Variants in ARHGEF28 observed in about 807,000 individuals in gnomAD.
ARHGEF28 encodes 190 kDa guanine nucleotide exchange factor.
In ARHGEF28, 152 loss-of-function variants were observed where a neutral mutation model predicts 206.6. That is an observed-to-expected ratio of 0.74 (90% CI 0.64 to 0.84). The LOEUF (loss-of-function observed/expected upper bound fraction) is 0.84. ARHGEF28 is among the 40% of genes least tolerant of loss of function. The pLI is 0.00. For synonymous variants in ARHGEF28, 763 were observed against 776.4 expected (o/e 0.98, Z 0.29); for missense variants, 2,028 against 2,073.2 (o/e 0.98, Z 0.42).
intron 1 of ARHGEF28, among the ~76,000 whole-genome samples, chr5:73,637,239 T>C (rs1743777128): frequency 6.6e-6 from 1 of 152,202 alleles, no homozygotes; most frequent in South Asian, 2.1e-4. Context: ...TATCAGTTTT[T>C]AGCTAAAATA....
At chr5:73,870,236 G>A in intron 21 of ARHGEF28, 27 bp downstream of exon 21, 1 of 1,604,194 alleles carries the variant, frequency 6.2e-7, no homozygotes, top group South Asian at 1.1e-5. Context: ...TGCTCTTTGG[G>A]TTGAAGCAGT....
At chr5:73,805,858 G>A (rs1426336662) in intron 9 of ARHGEF28, among the ~76,000 whole-genome samples, 1 of 152,072 alleles carries the variant, frequency 6.6e-6, no homozygotes, top group Non-Finnish European at 1.5e-5. Flanking sequence ...TATATAGGAC[G>A]AGCCTGCCCG....
chr5:73,660,813 A>G (rs936471923), intron 1 of ARHGEF28, among the ~76,000 whole-genome samples: 4 of 152,198 alleles, frequency 2.6e-5, no homozygotes, highest in Non-Finnish European at 5.9e-5. Flanking sequence ...GCCTTAAGAT[A>G]TTCAGTAAAC....
chr5:73,641,686 A>G (rs889570987), intron 1 of ARHGEF28, among the ~76,000 whole-genome samples: 1 of 152,206 alleles, frequency 6.6e-6, no homozygotes, highest in African/African-American at 2.4e-5. Context: ...GCCTCTGAAC[A>G]TATTTGCGCA....
chr5:73,920,771 G>A (rs1198315565), intron 35 of ARHGEF28, among the ~76,000 whole-genome samples: 1 of 152,006 alleles, frequency 6.6e-6, no homozygotes, highest in East Asian at 1.9e-4. Context: ...TATACATATA[G>A]CCCCCATATG....
chr5:73,634,129 T>C (rs1208549017), intron 1 of ARHGEF28, among the ~76,000 whole-genome samples: 1 of 152,188 alleles, frequency 6.6e-6, no homozygotes, highest in Non-Finnish European at 1.5e-5. Flanking sequence ...TCTCAAGGTA[T>C]CCATAGGTTT....
At chr5:73,892,368 G>GC in intron 27 of ARHGEF28, 138 bp downstream of exon 27, 1 of 904,892 alleles carries the variant, frequency 1.1e-6, no homozygotes, top group Non-Finnish European at 1.6e-6. Context: ...GCCTGCGATA[G>GC]CCCCCCATCT....
At chr5:73,875,577 A>C (rs1292716908) in intron 22 of ARHGEF28, among the ~76,000 whole-genome samples, 3 of 151,436 alleles carry the variant, frequency 2.0e-5, no homozygotes, top group Admixed American at 6.6e-5. Context: ...TCTTTAATCC[A>C]TCTTGAATTA....
At chr5:73,784,982 G>A (rs1176049330) in intron 7 of ARHGEF28, among the ~76,000 whole-genome samples, 1 of 152,148 alleles carries the variant, frequency 6.6e-6, no homozygotes, top group African/African-American at 2.4e-5. Context: ...GCAGCATAAG[G>A]ACACTGGACA....
intron 9 of ARHGEF28, among the ~76,000 whole-genome samples, chr5:73,814,669 G>A (rs1281311128): frequency 1.3e-5 from 2 of 152,010 alleles, no homozygotes; most frequent in East Asian, 3.9e-4. Context: ...GCTGTCCTTC[G>A]GGAGCATACC....
chr5:73,910,591 T>C (rs1347025277), intron 34 of ARHGEF28, among the ~76,000 whole-genome samples: 6 of 152,064 alleles, frequency 3.9e-5, no homozygotes, highest in Non-Finnish European at 7.4e-5. Flanking sequence ...TGATCTGTCT[T>C]AAGAGTTCTA....
At chr5:73,663,158 G>A (rs1264050571) in intron 1 of ARHGEF28, among the ~76,000 whole-genome samples, 1 of 152,084 alleles carries the variant, frequency 6.6e-6, no homozygotes, top group Non-Finnish European at 1.5e-5. Context: ...GTTTTGCCGT[G>A]TTGGCCAGGC....
At chr5:73,857,942 T>C (rs1759153938) in intron 15 of ARHGEF28, 145 bp from the exon 16 acceptor site, 1 of 1,371,818 alleles carries the variant, frequency 7.3e-7, no homozygotes. Flanking sequence ...ATTTAGGTGT[T>C]ATGGTGTCCC....
intron 7 of ARHGEF28, among the ~76,000 whole-genome samples, chr5:73,786,007 T>G (rs1754131454): frequency 6.8e-6 from 1 of 147,084 alleles, no homozygotes; most frequent in Non-Finnish European, 1.5e-5. Context: ...TCAGTAAATA[T>G]GTATTGACTG....
chr5:73,628,431 G>A (rs1179864443), intron 1 of ARHGEF28, among the ~76,000 whole-genome samples: 1 of 152,150 alleles, frequency 6.6e-6, no homozygotes, highest in Non-Finnish European at 1.5e-5. Context: ...CTCACCACTT[G>A]GGCATGGCTA....
intron 1 of ARHGEF28, among the ~76,000 whole-genome samples, chr5:73,680,698 A>T (rs1228814933): frequency 6.6e-6 from 1 of 152,164 alleles, no homozygotes; most frequent in East Asian, 1.9e-4. Flanking sequence ...AATTTTGAGT[A>T]TATTTTATCA....
intron 2 of ARHGEF28, among the ~76,000 whole-genome samples, chr5:73,713,456 C>T (rs114702900): frequency 1.9e-3 from 292 of 152,190 alleles, no homozygotes; most frequent in African/African-American, 6.6e-3. Context: ...CCTGTTGGAA[C>T]GGGTGAGAGA....
intron 2 of ARHGEF28, 90 bp downstream of exon 2, chr5:73,684,974 C>G: frequency 7.2e-7 from 1 of 1,393,478 alleles, no homozygotes. Flanking sequence ...GTTTTTCTTG[C>G]TATTGAGTTA....
chr5:73,724,133 T>A (rs1297430278), intron 2 of ARHGEF28, among the ~76,000 whole-genome samples: 1 of 152,196 alleles, frequency 6.6e-6, no homozygotes, highest in Non-Finnish European at 1.5e-5. Context: ...TAAAATGTTG[T>A]GGGAATTAGA....
Sources: allele counts gnomAD v4.1 joint callset (sites outside exome capture counted in the v4.1 genomes callset), GRCh38; gene constraint gnomAD v4.1.1; transcripts MANE v1.5; gene names NCBI Gene and HGNC (gene_info 2026-07-23, HGNC 2026-07-21).